The following ZFAT variants were observed in gnomAD, a reference collection of about 807,000 sequenced individuals.
ZFAT encodes the protein zinc finger protein ZFAT.
In ZFAT, 64 loss-of-function variants were observed where a neutral mutation model predicts 117.7. That is an observed-to-expected ratio of 0.54 (90% CI 0.44 to 0.67). ZFAT has a LOEUF of 0.67. Ranked by LOEUF, ZFAT falls within the 30% of genes least tolerant of loss-of-function variation. ZFAT has a pLI of 0.00. For synonymous variants in ZFAT, 679 were observed against 615.0 expected, an observed-to-expected ratio of 1.10 and a Z score of -1.54; for missense variants, 1,433 against 1,584.5, an observed-to-expected ratio of 0.90 and a Z score of 1.62.
chr8:134,551,602 C>T (rs533367831), intron 11 of ZFAT, among the ~76,000 whole-genome samples: 16 of 152,254 alleles, frequency 1.1e-4, no homozygotes, highest in African/African-American at 2.4e-4. Flanking sequence ...GACTCTGAGA[C>T]GATTACTTTG....
intron 3 of ZFAT, among the ~76,000 whole-genome samples, chr8:134,612,306 G>C (rs1462344576): frequency 1.3e-5 from 2 of 152,208 alleles, no homozygotes; most frequent in African/African-American, 4.8e-5. Context: ...GGTGAGATCG[G>C]AACCATGCAG....
In ZFAT at chr8:134,581,815, C is replaced by T. The variant is rs1025502121; in HGVS notation, c.2887+2017G>A. On this transcript the variant is annotated intron_variant, in intron 10 of 15. Coordinates refer to ENST00000377838, the MANE Select transcript of ZFAT (RefSeq NM_020863.4). ...TTCCCAGGCTGGTCTCAAACTCCTTCGCTCAGGCAACCCACTCACCTCCCT... is the reference window on the plus strand; with the variant it reads ...TTCCCAGGCTGGTCTCAAACTCCTTTGCTCAGGCAACCCACTCACCTCCCT... 2.0e-5 allele frequency among the ~76,000 whole-genome samples: 3 copies of T among 152,120 alleles called. No individual in the cohort carries two copies. In the South Asian group the frequency reaches 6.2e-4, roughly 32 times the overall value.
At chr8:134,575,810 C>T (rs1825257629) in intron 10 of ZFAT, among the ~76,000 whole-genome samples, 1 of 152,224 alleles carries the variant, frequency 6.6e-6, no homozygotes, top group African/African-American at 2.4e-5. Flanking sequence ...CATTTTGCAG[C>T]AAGTGTTTTG....
intron 14 of ZFAT, chr8:134,510,157 G>A (rs892224604): frequency 1.3e-5 from 6 of 457,048 alleles, no homozygotes; most frequent in African/African-American, 1.0e-4. Flanking sequence ...CTCAATGAAA[G>A]TGTGTGCCAA....
At chr8:134,559,458 C>T (rs1008637828) in intron 11 of ZFAT, among the ~76,000 whole-genome samples, 2 of 152,200 alleles carry the variant, frequency 1.3e-5, no homozygotes, top group African/African-American at 4.8e-5. Flanking sequence ...TAACCCTTAC[C>T]CTAATTCACA....
At chr8:134,697,684 G>A (rs1833904845) in intron 1 of ZFAT, among the ~76,000 whole-genome samples, 1 of 150,542 alleles carries the variant, frequency 6.6e-6, no homozygotes, top group African/African-American at 2.4e-5. Flanking sequence ...CCGAGATCGC[G>A]CCACTGCACT....
intron 2 of ZFAT, among the ~76,000 whole-genome samples, chr8:134,639,350 A>C (rs1830451859): frequency 1.3e-5 from 2 of 152,226 alleles, no homozygotes; most frequent in South Asian, 4.1e-4. Context: ...CCAAACTGCA[A>C]CGCCACTGGT....
intron 11 of ZFAT, among the ~76,000 whole-genome samples, chr8:134,547,721 T>A (rs77483582): frequency 0.011 from 1,652 of 152,300 alleles, 40 homozygotes; most frequent in African/African-American, 0.038. Flanking sequence ...AACAATACAC[T>A]TACAGATAGT....
rs548753221 is a variant in ZFAT at position 134,584,864 on chromosome 8, C to T, written c.2714-859G>A. Reference sequence around the variant, plus strand: ...AGACAATTTTTAGTAGTAAGCCAAACGTTTTCACCCATTATCTACACTACC... The same window carrying T: ...AGACAATTTTTAGTAGTAAGCCAAATGTTTTCACCCATTATCTACACTACC... On this transcript the variant is annotated intron_variant, in intron 9 of 15. Coordinates refer to ENST00000377838, the MANE Select transcript of ZFAT (RefSeq NM_020863.4). 5.3e-5 allele frequency among the ~76,000 whole-genome samples: 8 copies of T among 152,228 alleles called. No individual in the cohort carries two copies. The South Asian group carries it at 1.0e-3, about 20-fold the overall frequency.
intron 5 of ZFAT, among the ~76,000 whole-genome samples, chr8:134,606,641 T>C (rs1307354512): frequency 6.8e-6 from 1 of 147,714 alleles, no homozygotes; most frequent in East Asian, 2.0e-4. Flanking sequence ...GGCAAGAGAA[T>C]AGCTTGAACC....
intron 10 of ZFAT, among the ~76,000 whole-genome samples, chr8:134,582,528 CAT>C (rs1825782627): frequency 6.6e-6 from 1 of 152,234 alleles, no homozygotes; most frequent in South Asian, 2.1e-4. Context: ...TAAAAAACTA[CAT>C]GACTTTAATG....
chr8:134,717,464 C>CTGTTTTTTTTTTTTTTTT (rs1814223711), upstream of ZFAT, among the ~76,000 whole-genome samples: 1 of 18,468 alleles, frequency 5.4e-5, no homozygotes, highest in African/African-American at 1.1e-4. Flanking sequence ...TCAATAACAA[C>CTGTTTTTTTTTTTTTTTT]TCTTTTTTTT....
Position 134,601,803 on chromosome 8 carries a change from T to C in ZFAT, c.1916A>G (p.Gln639Arg), listed in dbSNP as rs200703177. The part of the protein sequence containing the change: ...EVITLLLSKA[Q>R]SAGSDQESHG... The stretch of plus-strand genomic sequence containing the variant: ...GCTTTCCTGATCTGACCCAGCACTC[T>C]GGGCCTTGGACAGCAGTAGTGTGAT... The change falls in exon 6 of 16, where the codon CAG becomes CGG. Residue 639 changes from glutamine (Q) to arginine (R), a missense_variant. By Grantham distance (43) the Gln-to-Arg change is conservative (BLOSUM62 1). Around this residue, in one of 5 missense-constraint regions of ZFAT, gnomAD observed 372 missense variants for 355.6 expected, o/e 1.05. Coordinates refer to ENST00000377838, the MANE Select transcript of ZFAT (RefSeq NM_020863.4). 1 of 1,613,924 alleles carries C rather than the reference T, an allele frequency of 6.2e-7. No individual in the cohort carries two copies. The highest frequency in any genetic ancestry group is 8.5e-7 in the Non-Finnish European group (1 of 1,179,914).
At position 134,666,387 on chromosome 8, in the gene ZFAT, G is replaced by A. The variant is rs188562929; in HGVS notation, c.20-8650C>T. 6.6e-5 allele frequency among the ~76,000 whole-genome samples: 10 copies of A among 152,246 alleles called. No homozygotes were observed. The East Asian group carries it at 1.9e-3, about 29-fold the overall frequency. ...ACTCTCATAACATAATACTGAAAAT[G>A]CCCAAGATTCAATTAAAAATCATTC... On this transcript the variant is annotated intron_variant, in intron 1 of 15. Coordinates refer to ENST00000377838, the MANE Select transcript of ZFAT (RefSeq NM_020863.4).
rs370311063 is a variant in ZFAT at position 134,549,435 on chromosome 8, C to T, written c.2976+15898G>A. On this transcript the variant is annotated intron_variant, in intron 11 of 15. Coordinates refer to ENST00000377838, the MANE Select transcript of ZFAT (RefSeq NM_020863.4). ...CAGCCTGGGCGACAGAGCGAGACTC[C>T]GTCTCAGAAAAAAAAAAAAAAAAAA... Among the ~76,000 whole-genome samples, 404 of 124,808 alleles carry T rather than the reference C, an allele frequency of 3.2e-3. 3 individuals carry two copies. Among genetic ancestry groups the T allele is most frequent in the African/African-American group, 0.012 (382 of 32,976 alleles). 81.9% of individuals were successfully genotyped at this position (124,808 alleles called of 152,430 possible). A position where few individuals can be genotyped will look rare whatever the true frequency, so the allele number is the denominator to read the frequency against.
chr8:134,771,019 C>T, the ZFAT span, among the ~76,000 whole-genome samples: 3 of 152,210 alleles, frequency 2.0e-5, no homozygotes, highest in African/African-American at 7.2e-5. Context: ...TTTAATTTTG[C>T]CTCAGTCCTG....
the ZFAT span, chr8:134,783,991 T>G: frequency 5.3e-5 from 8 of 152,244 alleles, no homozygotes; most frequent in African/African-American, 1.9e-4. Flanking sequence ...GCGATTAAAT[T>G]GATACTGCAA....
rs183811896 is a variant in ZFAT, at chr8:134,654,237, G to A, written c.196+3324C>T. Among the ~76,000 whole-genome samples the A allele has an allele frequency of 1.3e-3, 194 of 152,198 alleles. 1 individual carries two copies. Among genetic ancestry groups the A allele is most frequent in the African/African-American group, 4.2e-3 (175 of 41,498 alleles). The stretch of plus-strand genomic sequence containing the variant: ...TTGAACCCGGGAGACGGACGTTGCA[G>A]TGAGCCAAGATCACGCCATTGCACT... On this transcript the variant is annotated intron_variant, in intron 2 of 15. Coordinates refer to ENST00000377838, the MANE Select transcript of ZFAT (RefSeq NM_020863.4).
chr8:134,615,685 C>T lies in ZFAT; in HGVS notation c.449-5030G>A, dbSNP rs573320453. ...AAGCTAAGACTCTGCCCACTCAAGA[C>T]TGCCCCAAATACACACCTCCAAGCC... On this transcript the variant is annotated intron_variant, in intron 3 of 15. Coordinates refer to ENST00000377838, the MANE Select transcript of ZFAT (RefSeq NM_020863.4). Among the ~76,000 whole-genome samples, 3 of 152,366 alleles carry T rather than the reference C, an allele frequency of 2.0e-5. No homozygotes were observed. The South Asian group carries it at 6.2e-4, about 32-fold the overall frequency.
Sources: gnomAD v4.1 joint callset for allele counts (sites outside exome capture counted in the v4.1 genomes callset) on GRCh38, gnomAD v4.1.1 for gene constraint, gnomAD v4.1.1 regional missense constraint, MANE v1.5 for transcripts, NCBI Gene and HGNC (gene_info 2026-07-23, HGNC 2026-07-21) for gene names.